The following HECTD4 variants were observed in gnomAD, a reference collection of about 807,000 sequenced individuals.
The protein encoded by HECTD4 is probable E3 ubiquitin-protein ligase HECTD4.
HECTD4 carries 114 observed loss-of-function variants against 471.5 expected under a neutral mutation model. That is an observed-to-expected ratio of 0.24 (90% CI 0.21 to 0.28). The LOEUF (loss-of-function observed/expected upper bound fraction) is 0.28. Among genes scored for constraint, HECTD4 ranks in the 10% least tolerant of loss-of-function variants. HECTD4 has a pLI of 1.00. For missense variants in HECTD4, 3,866 were observed against 5,651.5 expected (o/e 0.68, Z 10.13); for synonymous variants, 2,012 against 2,256.0 (o/e 0.89, Z 3.07).
intron 48 of HECTD4, among the ~76,000 whole-genome samples, chr12:112,214,004 A>G (rs529801747): frequency 6.6e-6 from 1 of 152,174 alleles, no homozygotes; most frequent in Admixed American, 6.5e-5. Context: ...CCTGGGTGAC[A>G]GAGTGAGACC....
intron 16 of HECTD4, 38 bp from the exon 17 acceptor site, chr12:112,264,250 C>T: frequency 6.8e-7 from 1 of 1,466,854 alleles, no homozygotes; most frequent in Non-Finnish European, 9.1e-7. Flanking sequence ...GATCTAAATC[C>T]TACTGAAAGA....
chr12:112,254,883 A>G (rs911744125), intron 21 of HECTD4, among the ~76,000 whole-genome samples: 1 of 152,192 alleles, frequency 6.6e-6, no homozygotes, highest in African/African-American at 2.4e-5. Flanking sequence ...CATAGGAAAA[A>G]TAAAGCTCTG....
chr12:112,184,595 G>A lies in HECTD4; in HGVS notation c.10371C>T (p.Pro3457=), dbSNP rs755586384. 3 of 1,613,702 alleles carry A rather than the reference G, an allele frequency of 1.9e-6. No homozygotes were observed. Among genetic ancestry groups the A allele is most frequent in the Admixed American group, 1.7e-5 (1 of 60,000 alleles). The change falls in exon 61 of 76, where the codon CCC becomes CCT. Residue 3457 remains proline, a synonymous_variant. Transcript: ENST00000682272. This position sits in a 1 kb window ranked among gnomAD's most constrained non-coding sequence, Gnocchi z 9.1. ...KAEGGDGKVE[P]EKTLAFPGTD... ...TGCCGGGGAAGGCCAGTGTCTTCTCGGGCTCAACTTTCCCGTCCCCGCCCT... is the reference window on the plus strand; with the variant it reads ...TGCCGGGGAAGGCCAGTGTCTTCTCAGGCTCAACTTTCCCGTCCCCGCCCT...
At position 112,313,012 on chromosome 12, in the gene HECTD4, A is replaced by G; in HGVS notation, c.916+5T>C. The G allele has an allele frequency of 6.5e-7, 1 of 1,534,774 alleles. No individual in the cohort carries two copies. The highest frequency in any genetic ancestry group is 1.4e-5 in the African/African-American group (1 of 73,096). ...TTAATCACAGGACAAAAACTTTTAC[A>G]TTACCTTTATTTTCAGAACTGGAGC... On this transcript the variant is annotated splice_donor_5th_base_variant and intron_variant, in intron 4 of 75. Transcript: ENST00000682272.
chr12:112,338,959 A>C (rs1183018548), intron 1 of HECTD4, among the ~76,000 whole-genome samples: 1 of 152,130 alleles, frequency 6.6e-6, no homozygotes, highest in Non-Finnish European at 1.5e-5. Flanking sequence ...CCCAACCCCC[A>C]ACACTGGGGA....
rs1316505882 is a variant in HECTD4 at position 112,179,704 on chromosome 12, G to A, written c.10988-307C>T. On this transcript the variant is annotated intron_variant, in intron 62 of 75. Coordinates refer to ENST00000682272, the MANE Select transcript of HECTD4 (RefSeq NM_001388303.1). The surrounding 1 kb of genome is among the most constrained non-coding windows in gnomAD (Gnocchi z 4.3). The stretch of plus-strand genomic sequence containing the variant: ...CGGGGACGACAGGCCCCTCCCCGAG[G>A]GTGGGCACACCTCAGTGCTCACCCT... Among the ~76,000 whole-genome samples, 1 of 152,124 alleles carries A rather than the reference G, an allele frequency of 6.6e-6. No individual in the cohort carries two copies. The highest frequency in any genetic ancestry group is 1.5e-5 in the Non-Finnish European group (1 of 68,004).
At chr12:112,289,202 C>T (rs1019440064) in intron 7 of HECTD4, among the ~76,000 whole-genome samples, 7 of 152,098 alleles carry the variant, frequency 4.6e-5, no homozygotes, top group South Asian at 2.1e-4. Context: ...AGGGCTCAAG[C>T]GATCCTCCCA....
intron 54 of HECTD4, chr12:112,203,035 T>G (rs773524473): frequency 9.8e-5 from 15 of 152,306 alleles, no homozygotes; most frequent in Non-Finnish European, 1.3e-4. Flanking sequence ...ACTGCAGCCT[T>G]GACCTCCCAG....
chr12:112,343,734 A>C (rs2036092663), intron 1 of HECTD4, among the ~76,000 whole-genome samples: 1 of 152,066 alleles, frequency 6.6e-6, no homozygotes. Flanking sequence ...TCACGCCACT[A>C]TACTGCAGCC....
intron 32 of HECTD4, among the ~76,000 whole-genome samples, chr12:112,240,454 C>A (rs1032509543): frequency 7.0e-6 from 1 of 142,750 alleles, no homozygotes. Context: ...CTTTTCTTTT[C>A]TTTTTTTTTT....
At chr12:112,329,053 G>C (rs1412237487) in intron 1 of HECTD4, among the ~76,000 whole-genome samples, 1 of 152,176 alleles carries the variant, frequency 6.6e-6, no homozygotes, top group African/African-American at 2.4e-5. Flanking sequence ...GTTCCATCTT[G>C]TTGTGGCCCC....
intron 7 of HECTD4, among the ~76,000 whole-genome samples, chr12:112,287,244 T>C (rs2034772355): frequency 6.6e-6 from 1 of 152,216 alleles, no homozygotes; most frequent in East Asian, 1.9e-4. Flanking sequence ...TATTTTGTTC[T>C]TATTGTTTGC....
intron 44 of HECTD4, among the ~76,000 whole-genome samples, chr12:112,220,245 A>G (rs762642999): frequency 5.9e-5 from 9 of 152,136 alleles, no homozygotes; most frequent in Non-Finnish European, 1.0e-4. Context: ...TCTAATATCT[A>G]TGGAGCACCT....
At chr12:112,212,439 C>T in intron 49 of HECTD4, 48 bp downstream of exon 49, 1 of 1,461,280 alleles carries the variant, frequency 6.8e-7, no homozygotes, top group Non-Finnish European at 9.6e-7. Context: ...CTAACAGGAA[C>T]AGGTGATGAA....
chr12:112,181,288 T>C (rs1420419146), intron 62 of HECTD4, among the ~76,000 whole-genome samples: 2 of 152,212 alleles, frequency 1.3e-5, no homozygotes, highest in Non-Finnish European at 2.9e-5. Flanking sequence ...CCTATCTTTA[T>C]TTAAAATTTT....
At chr12:112,313,781 G>A (rs1229703129) in intron 3 of HECTD4, among the ~76,000 whole-genome samples, 5 of 151,894 alleles carry the variant, frequency 3.3e-5, no homozygotes, top group Admixed American at 1.3e-4. Flanking sequence ...GAGCCATCAC[G>A]CCCTGCTACA....
At chr12:112,305,302 C>T (rs1177644016) in intron 7 of HECTD4, among the ~76,000 whole-genome samples, 8 of 152,062 alleles carry the variant, frequency 5.3e-5, no homozygotes, top group Non-Finnish European at 1.0e-4. Context: ...CCAGCTGCTT[C>T]TTGCCCCAAG....
At chr12:112,180,166 A>G (rs1294344543) in intron 62 of HECTD4, among the ~76,000 whole-genome samples, 1 of 152,190 alleles carries the variant, frequency 6.6e-6, no homozygotes, top group Admixed American at 6.5e-5. Flanking sequence ...TGGCAACTCC[A>G]GCATATCTGG....
intron 8 of HECTD4, among the ~76,000 whole-genome samples, chr12:112,282,433 G>C (rs1411622001): frequency 6.6e-6 from 1 of 151,816 alleles, no homozygotes; most frequent in Non-Finnish European, 1.5e-5. Flanking sequence ...AAAAAGTGCA[G>C]AACAATGTAT....
Sources: allele counts gnomAD v4.1 joint callset (sites outside exome capture counted in the v4.1 genomes callset), GRCh38; gene constraint gnomAD v4.1.1; non-coding constraint Gnocchi (gnomAD v3.1); transcripts MANE v1.5; gene names NCBI Gene and HGNC (gene_info 2026-07-23, HGNC 2026-07-21).